Variants in MND1 observed in about 807,000 individuals in gnomAD.
MND1 encodes the protein meiotic nuclear divisions 1.
In MND1, 28 loss-of-function variants were observed where a neutral mutation model predicts 35.1. The observed-to-expected ratio is 0.80, with a 90% CI of 0.59 to 1.09. The LOEUF (loss-of-function observed/expected upper bound fraction) is 1.09, where lower values mean the gene tolerates loss of function less well. MND1 is among the 50% of genes least tolerant of loss of function. MND1 has a pLI of 0.00. For synonymous variants in MND1, 69 were observed against 70.5 expected (o/e 0.98, Z 0.11); for missense variants, 213 against 239.6 (o/e 0.89, Z 0.73).
chr4:153,398,929 TC>T (rs2149655158), intron 6 of MND1, among the ~76,000 whole-genome samples: 1 of 152,312 alleles, frequency 6.6e-6, no homozygotes, highest in South Asian at 2.1e-4. Context: ...GACTGCTTGT[TC>T]AGGAGGACTT....
At chr4:153,413,551 G>T (rs532139178) in intron 7 of MND1, among the ~76,000 whole-genome samples, 4 of 151,922 alleles carry the variant, frequency 2.6e-5, no homozygotes, top group Admixed American at 6.6e-5. Context: ...GGTGGTGCAC[G>T]CCTGTTGTCT....
intron 4 of MND1, among the ~76,000 whole-genome samples, chr4:153,362,261 T>A (rs1773514408): frequency 6.6e-6 from 1 of 152,232 alleles, no homozygotes; most frequent in Non-Finnish European, 1.5e-5. Flanking sequence ...CCAAACCTCA[T>A]GTCAAATTGT....
chr4:153,403,775 C>CT (rs112529002), intron 6 of MND1, among the ~76,000 whole-genome samples: 10,466 of 149,154 alleles, frequency 0.07, 618 homozygotes, highest in African/African-American at 0.17. Context: ...TTAATTATTA[C>CT]TTTTTTTTTT....
At chr4:153,397,771 A>G (rs1320745998) in intron 6 of MND1, among the ~76,000 whole-genome samples, 1 of 152,168 alleles carries the variant, frequency 6.6e-6, no homozygotes, top group Non-Finnish European at 1.5e-5. Flanking sequence ...AGTGTGCTAT[A>G]CGTGCCATTG....
At chr4:153,344,918 C>A (rs938656433) in intron 1 of MND1, among the ~76,000 whole-genome samples, 178 bp downstream of exon 1, 4 of 152,152 alleles carry the variant, frequency 2.6e-5, no homozygotes, top group Admixed American at 2.6e-4. Context: ...GCAGCCACTC[C>A]GCACTCTGCG....
intron 4 of MND1, among the ~76,000 whole-genome samples, chr4:153,371,742 G>A (rs917401136): frequency 3.3e-5 from 5 of 152,068 alleles, no homozygotes; most frequent in Middle Eastern, 3.4e-3. Context: ...CATCATTTGC[G>A]TGTTTACTAG....
chr4:153,348,289 G>A lies in MND1; in HGVS notation c.4-1775G>A, dbSNP rs534440159. 6.6e-5 allele frequency among the ~76,000 whole-genome samples: 10 copies of A among 152,250 alleles called. No homozygotes were observed. The East Asian group carries it at 1.9e-3, about 29-fold the overall frequency. On this transcript the variant is annotated intron_variant, in intron 1 of 7. Transcript: ENST00000240488. The stretch of plus-strand genomic sequence containing the variant: ...CACGAGATAGTATCTGAGACTCAAG[G>A]TCTAGAACAGCAAGTTTGTGGGGAG...
At chr4:153,352,312 T>G (rs558051724) in intron 2 of MND1, among the ~76,000 whole-genome samples, 2 of 152,238 alleles carry the variant, frequency 1.3e-5, no homozygotes, top group African/African-American at 2.4e-5. Flanking sequence ...TGTGTGTGTG[T>G]GGGTTTTGGA....
At chr4:153,410,717 G>T (rs188849073) in intron 7 of MND1, among the ~76,000 whole-genome samples, 25 of 152,302 alleles carry the variant, frequency 1.6e-4, no homozygotes, top group Admixed American at 8.5e-4. Flanking sequence ...CTGGCCGGGC[G>T]TGGTGGCTCA....
At chr4:153,412,997 G>A (rs1490679108) in intron 7 of MND1, among the ~76,000 whole-genome samples, 1 of 151,994 alleles carries the variant, frequency 6.6e-6, no homozygotes, top group Non-Finnish European at 1.5e-5. Flanking sequence ...AGTAGAGACA[G>A]GATTTTACTA....
chr4:153,401,664 T>C (rs1269790209), intron 6 of MND1, among the ~76,000 whole-genome samples: 1 of 152,184 alleles, frequency 6.6e-6, no homozygotes, highest in Non-Finnish European at 1.5e-5. Flanking sequence ...CACAAATTGA[T>C]TTTAATAGGA....
intron 4 of MND1, among the ~76,000 whole-genome samples, chr4:153,375,602 A>G (rs1049902581): frequency 1.3e-5 from 2 of 152,040 alleles, no homozygotes; most frequent in Admixed American, 6.6e-5. Flanking sequence ...AGGCCATAAT[A>G]TGGGGTGTTT....
At chr4:153,372,040 G>A (rs1773802194) in intron 4 of MND1, among the ~76,000 whole-genome samples, 1 of 151,998 alleles carries the variant, frequency 6.6e-6, no homozygotes, top group African/African-American at 2.4e-5. Context: ...TGAGTCACTG[G>A]AGCAGTCAGA....
chr4:153,346,451 C>G (rs567591740), intron 1 of MND1, among the ~76,000 whole-genome samples: 23 of 152,272 alleles, frequency 1.5e-4, no homozygotes, highest in African/African-American at 5.5e-4. Context: ...GCATCTCTAA[C>G]TTATACTATC....
intron 4 of MND1, among the ~76,000 whole-genome samples, chr4:153,360,667 T>A (rs369195027): frequency 9.1e-6 from 1 of 109,828 alleles, no homozygotes; most frequent in Non-Finnish European, 1.8e-5. Flanking sequence ...AATATTTTTA[T>A]ATAAATAAAT....
chr4:153,360,146 T>C lies in MND1; in HGVS notation c.276+1524T>C, dbSNP rs534377525. ...ATGTAAAAGGAGGTGTTTAGATCTT[T>C]TGCCCATTTTTCAATTGGGTTTTTG... On this transcript the variant is annotated intron_variant, in intron 4 of 7. Coordinates refer to ENST00000240488, the MANE Select transcript of MND1 (RefSeq NM_032117.4). Among the ~76,000 whole-genome samples, 43 of 152,322 alleles carry C rather than the reference T, an allele frequency of 2.8e-4. 1 individual carries two copies. In the East Asian group the frequency reaches 7.3e-3, roughly 26 times the overall value.
Position 153,394,313 on chromosome 4 carries a change from G to A in MND1, c.328G>A (p.Ala110Thr), listed in dbSNP as rs1270433058. ...HASLQKSIEK[A>T]KIGRCETEER... ...AAGCCTACAGAAAAGCATTGAGAAA[G>A]CTAAAATTGGCCGATGTGAAACGGT... Residue 110 changes from alanine to threonine, a missense_variant, in exon 5 of 8, where the codon GCT becomes ACT. Coordinates refer to ENST00000240488, the MANE Select transcript of MND1 (RefSeq NM_032117.4). 1 of 1,612,292 alleles carries A rather than the reference G, an allele frequency of 6.2e-7. No homozygotes were observed. Among genetic ancestry groups the A allele is most frequent in the African/African-American group, 1.3e-5 (1 of 74,988 alleles).
chr4:153,370,257 G>C (rs939961609), intron 4 of MND1, among the ~76,000 whole-genome samples: 12 of 151,924 alleles, frequency 7.9e-5, no homozygotes, highest in African/African-American at 2.9e-4. Flanking sequence ...GCTCCAGCCT[G>C]GGTAACACAG....
chr4:153,386,320 G>A (rs1427482816), intron 4 of MND1, among the ~76,000 whole-genome samples: 2 of 145,634 alleles, frequency 1.4e-5, no homozygotes, highest in African/African-American at 2.6e-5. Flanking sequence ...GTGAGAACTC[G>A]TCTCTACAAA....
Sources: gnomAD v4.1 joint callset for allele counts (sites outside exome capture counted in the v4.1 genomes callset) on GRCh38, gnomAD v4.1.1 for gene constraint, MANE v1.5 for transcripts, NCBI Gene and HGNC (gene_info 2026-07-23, HGNC 2026-07-21) for gene names.